FAM220A: variants seen among roughly 807,000 people sequenced by gnomAD.
FAM220A encodes the protein family with sequence similarity 220 member A, also known as protein FAM220A.
For missense variants in FAM220A, 392 were observed against 321.6 expected, an observed-to-expected ratio of 1.22 and a Z score of -1.68; for synonymous variants, 141 against 130.7, an observed-to-expected ratio of 1.08 and a Z score of -0.54.
At chr7:6,338,871 G>C (rs1012490585) in intron 1 of FAM220A, among the ~76,000 whole-genome samples, 1 of 152,198 alleles carries the variant, frequency 6.6e-6, no homozygotes, top group African/African-American at 2.4e-5. Flanking sequence ...AGAAGACACA[G>C]CTAAAACCAG....
intron 1 of FAM220A, among the ~76,000 whole-genome samples, chr7:6,339,875 C>T (rs1356393745): frequency 2.0e-5 from 3 of 151,428 alleles, no homozygotes; most frequent in Admixed American, 1.3e-4. Context: ...GGTGCCAGCT[C>T]GGCGTCAGGC....
chr7:6,330,189 G>C lies in FAM220A; in HGVS notation c.*186C>G, dbSNP rs890316647. 2 of 620,048 alleles carry C rather than the reference G, an allele frequency of 3.2e-6. No homozygotes were observed. The highest frequency in any genetic ancestry group is 3.7e-5 in the African/African-American group (2 of 53,832). The allele number at this position is 620,048 out of a possible 1,614,324, so 38.4% of individuals were successfully genotyped here. Reference sequence around the variant, plus strand: ...TCTTTTAAAGCACAATTTAACACATGCCAAAAAAGTTCCTTCCGCATCAAC... The same window carrying C: ...TCTTTTAAAGCACAATTTAACACATCCCAAAAAAGTTCCTTCCGCATCAAC... On this transcript the variant is annotated 3_prime_UTR_variant, in exon 2 of 2. Coordinates refer to ENST00000313324, the MANE Select transcript of FAM220A (RefSeq NM_001037163.2).
At chr7:6,342,617 G>A (rs1040289016) in intron 1 of FAM220A, among the ~76,000 whole-genome samples, 5 of 152,062 alleles carry the variant, frequency 3.3e-5, no homozygotes, top group African/African-American at 9.7e-5. Context: ...ATACACCCAA[G>A]AGAAATAAAA....
At chr7:6,336,883 G>A (rs560704822) in intron 1 of FAM220A, among the ~76,000 whole-genome samples, 2 of 151,588 alleles carry the variant, frequency 1.3e-5, no homozygotes, top group Non-Finnish European at 2.9e-5. Context: ...TGAACTCCTG[G>A]GCTCAAGTGA....
intron 1 of FAM220A, among the ~76,000 whole-genome samples, chr7:6,335,915 G>C (rs951024485): frequency 6.6e-6 from 1 of 152,068 alleles, no homozygotes; most frequent in African/African-American, 2.4e-5. Flanking sequence ...GCTCACACCT[G>C]TAATCCCAGC....
intron 1 of FAM220A, among the ~76,000 whole-genome samples, chr7:6,337,792 ACATT>A (rs1379483536): frequency 6.9e-6 from 1 of 144,056 alleles, no homozygotes; most frequent in Non-Finnish European, 1.5e-5. Flanking sequence ...AGATTTCAAT[ACATT>A]ATTTATTTAT....
chr7:6,348,488 G>C (rs982126649), intron 1 of FAM220A, 85 bp downstream of exon 1: 2 of 409,692 alleles, frequency 4.9e-6, no homozygotes, highest in Non-Finnish European at 8.6e-6. Context: ...CTTCTAGGCA[G>C]TGGCAGCTGC....
intron 1 of FAM220A, among the ~76,000 whole-genome samples, chr7:6,343,579 T>G (rs971962880): frequency 1.3e-5 from 2 of 151,842 alleles, no homozygotes; most frequent in Non-Finnish European, 2.9e-5. Context: ...GTATTTGGTA[T>G]TGATTCCATT....
At chr7:6,347,230 CTTGGCTGGGCGCT>C (rs1781970655) in intron 1 of FAM220A, among the ~76,000 whole-genome samples, 1 of 152,130 alleles carries the variant, frequency 6.6e-6, no homozygotes, top group African/African-American at 2.4e-5. Context: ...ATATCAGTCT[CTTGGCTGGGCGCT>C]GTGGCTGACG....
chr7:6,348,098 C>A (rs1226893156), intron 1 of FAM220A, among the ~76,000 whole-genome samples: 1 of 149,358 alleles, frequency 6.7e-6, no homozygotes, highest in African/African-American at 2.5e-5. Context: ...TTAGTAGAGA[C>A]GGGGTTTCTC....
At chr7:6,342,204 CTTTG>C (rs1781873926) in intron 1 of FAM220A, among the ~76,000 whole-genome samples, 1 of 151,770 alleles carries the variant, frequency 6.6e-6, no homozygotes. Context: ...CTTTCTTTTT[CTTTG>C]TTTCTTACTT....
At position 6,330,282 on chromosome 7, in the gene FAM220A, A is replaced by G; in HGVS notation, c.*93T>C. 1.7e-6 allele frequency: 2 copies of G among 1,210,768 alleles called. No individual in the cohort carries two copies. Among genetic ancestry groups the G allele is most frequent in the Admixed American group, 2.5e-5 (1 of 40,182 alleles). The allele number at this position is 1,210,768 out of a possible 1,614,324, so 75.0% of individuals were successfully genotyped here. ...CGTACAAAACTACAGCAGGAACCTA[A>G]GGGCTGCACAGTTTGCATCCAGACT... On this transcript the variant is annotated 3_prime_UTR_variant, in exon 2 of 2. Transcript: ENST00000313324.
intron 1 of FAM220A, among the ~76,000 whole-genome samples, chr7:6,346,390 A>C (rs1781951417): frequency 6.6e-6 from 1 of 152,092 alleles, no homozygotes. Context: ...CTTACTTGAG[A>C]CAGAATCTTA....
intron 1 of FAM220A, among the ~76,000 whole-genome samples, chr7:6,346,850 G>C (rs972557964): frequency 6.6e-6 from 1 of 152,148 alleles, no homozygotes; most frequent in Non-Finnish European, 1.5e-5. Flanking sequence ...TGGTTCTACT[G>C]CTCAGACTGG....
At chr7:6,343,935 GAGAGCAGTGGTGGGATCATAGCTTACTGT>G (rs1781912398) in intron 1 of FAM220A, among the ~76,000 whole-genome samples, 1 of 152,052 alleles carries the variant, frequency 6.6e-6, no homozygotes, top group South Asian at 2.1e-4. Flanking sequence ...ACCCATGCTG[GAGAGCAGTGGTGGGATCATAGCTTACTGT>G]AGCCTTGAAC....
chr7:6,340,032 G>A (rs1160869051), intron 1 of FAM220A, among the ~76,000 whole-genome samples: 3 of 152,066 alleles, frequency 2.0e-5, no homozygotes, highest in South Asian at 2.1e-4. Flanking sequence ...TTACAGGCAT[G>A]CACCACCACA....
chr7:6,343,428 A>ATATATATATAT (rs1781901757), intron 1 of FAM220A, among the ~76,000 whole-genome samples: 2 of 92,186 alleles, frequency 2.2e-5, no homozygotes, highest in Non-Finnish European at 4.5e-5. Flanking sequence ...ATATATATAT[A>ATATATATATAT]TATATATATA....
chr7:6,334,826 T>C (rs1311924438), intron 1 of FAM220A, among the ~76,000 whole-genome samples: 1 of 150,812 alleles, frequency 6.6e-6, no homozygotes, highest in African/African-American at 2.4e-5. Flanking sequence ...TGGAGTACAA[T>C]GGCACGATCT....
At chr7:6,332,367 T>C (rs1213660627) in intron 1 of FAM220A, among the ~76,000 whole-genome samples, 3 of 152,176 alleles carry the variant, frequency 2.0e-5, no homozygotes, top group African/African-American at 7.2e-5. Flanking sequence ...TACTGATTAC[T>C]GCCCTATGGA....
Sources: gnomAD v4.1 joint callset for allele counts (sites outside exome capture counted in the v4.1 genomes callset) on GRCh38, gnomAD v4.1.1 for gene constraint, MANE v1.5 for transcripts, NCBI Gene and HGNC (gene_info 2026-07-23, HGNC 2026-07-21) for gene names.